The following SUMF1 variants were observed in gnomAD, a reference collection of about 807,000 sequenced individuals.
SUMF1 encodes sulfatase modifying factor 1, also known as formylglycine-generating enzyme.
Under a neutral mutation model 47.6 loss-of-function variants are expected in SUMF1, and 48 were observed. The ratio of observed to expected loss-of-function variants is 1.01; its 90% CI spans 0.80 to 1.28. SUMF1 has a LOEUF of 1.28. Among genes scored for constraint, SUMF1 ranks in the 50% most tolerant of loss-of-function variants. SUMF1 has a pLI of 0.00. For missense variants in SUMF1, 571 were observed against 485.4 expected, an observed-to-expected ratio of 1.18 and a Z score of -1.66; for synonymous variants, 230 against 192.1, an observed-to-expected ratio of 1.20 and a Z score of -1.63.
In SUMF1 at chr3:4,145,762, T is replaced by G. The variant is rs549059743; in HGVS notation, c.1015-77017A>C. On this transcript the variant is annotated intron_variant and NMD_transcript_variant, in intron 8 of 12. Coordinates refer to the SUMF1 transcript ENST00000448413. ...CATGATGAATGGTTTCTAGTTGTTTTGTATTCAAGACAGTTGAGGCAAAGG... is the reference window on the plus strand; with the variant it reads ...CATGATGAATGGTTTCTAGTTGTTTGGTATTCAAGACAGTTGAGGCAAAGG... Among the ~76,000 whole-genome samples, 15 of 152,266 alleles carry G rather than the reference T, an allele frequency of 9.9e-5. 1 individual carries two copies. The South Asian group carries it at 2.9e-3, about 29-fold the overall frequency.
intron 8 of SUMF1, 91 bp downstream of exon 8, chr3:4,376,239 T>G: frequency 6.8e-7 from 1 of 1,468,472 alleles, no homozygotes; most frequent in Non-Finnish European, 9.5e-7. Flanking sequence ...TTTGCAGAAG[T>G]GAATGAGACA....
intron 8 of SUMF1, chr3:4,316,239 C>G: frequency 1.3e-6 from 1 of 743,058 alleles, no homozygotes; most frequent in East Asian, 2.7e-5. Flanking sequence ...AGACAAAAAG[C>G]AAATTCGAGC....
chr3:4,275,976 C>A (rs1177891650), intron 8 of SUMF1, among the ~76,000 whole-genome samples: 1 of 152,100 alleles, frequency 6.6e-6, no homozygotes, highest in East Asian at 1.9e-4. Flanking sequence ...GGCTAATTTC[C>A]CAAATCAGTT....
chr3:4,347,855 G>T (rs890297352), intron 8 of SUMF1, among the ~76,000 whole-genome samples: 2 of 152,114 alleles, frequency 1.3e-5, no homozygotes, highest in African/African-American at 4.8e-5. Context: ...AAAAGTCAAC[G>T]TGCAAAAATC....
At chr3:4,047,679 T>G (rs1295865462) in intron 9 of SUMF1, among the ~76,000 whole-genome samples, 1 of 152,176 alleles carries the variant, frequency 6.6e-6, no homozygotes, top group African/African-American at 2.4e-5. Flanking sequence ...GTTTAGTGAC[T>G]GTCACTATTA....
rs79386081 is a variant in SUMF1, at chr3:4,220,169, G to C, written c.1015-151424C>G. On this transcript the variant is annotated intron_variant and NMD_transcript_variant, in intron 8 of 12. Transcript: ENST00000448413. ...CCCAGGCTCCATTAGACATTAGTAA[G>C]AGGCCAAGTTAATTCTGTGAGCATA... 8.3e-3 allele frequency among the ~76,000 whole-genome samples: 1,260 copies of C among 152,204 alleles called. 18 individuals carry two copies. The highest frequency in any genetic ancestry group is 0.028 in the African/African-American group (1,170 of 41,550).
intron 7 of SUMF1, among the ~76,000 whole-genome samples, chr3:4,395,436 G>A (rs1701009616): frequency 6.6e-6 from 1 of 151,960 alleles, no homozygotes; most frequent in African/African-American, 2.4e-5. Flanking sequence ...TTTATCTCTG[G>A]GGACAAGGAC....
chr3:4,403,828 G>T (rs138268700), intron 7 of SUMF1, among the ~76,000 whole-genome samples: 2 of 152,156 alleles, frequency 1.3e-5, no homozygotes, highest in Admixed American at 6.5e-5. Context: ...ATTCCCACAG[G>T]GGGAGAGGTT....
intron 8 of SUMF1, among the ~76,000 whole-genome samples, chr3:4,312,473 T>TAA: frequency 6.6e-6 from 1 of 152,238 alleles, no homozygotes; most frequent in African/African-American, 2.4e-5. Flanking sequence ...TACCTATATA[T>TAA]AACATACTAT....
chr3:4,240,477 G>T (rs1696511745), intron 8 of SUMF1, among the ~76,000 whole-genome samples: 1 of 150,414 alleles, frequency 6.6e-6, no homozygotes, highest in South Asian at 2.1e-4. Context: ...GAAACCTTTG[G>T]TACTATTTTA....
chr3:4,156,473 CA>C (rs1185542908), intron 8 of SUMF1, among the ~76,000 whole-genome samples: 1 of 151,494 alleles, frequency 6.6e-6, no homozygotes, highest in Non-Finnish European at 1.5e-5. Context: ...AAACAGTATC[CA>C]ATACAGTTCT....
At position 4,287,259 on chromosome 3, in the gene SUMF1, G is replaced by C. The variant is rs550658515; in HGVS notation, c.1014+89071C>G. Among the ~76,000 whole-genome samples the C allele has an allele frequency of 3.4e-4, 52 of 152,178 alleles. 1 individual carries two copies. Among genetic ancestry groups the C allele is most frequent in the Admixed American group, 2.2e-3 (34 of 15,278 alleles). Reference sequence around the variant, plus strand: ...TATAAAGGGAACCTGAGACCAAAAAGTTCAGAACCAGCAACTTAACAAAAT... The same window carrying C: ...TATAAAGGGAACCTGAGACCAAAAACTTCAGAACCAGCAACTTAACAAAAT... On this transcript the variant is annotated intron_variant and NMD_transcript_variant, in intron 8 of 12. Transcript: ENST00000448413.
intron 7 of SUMF1, among the ~76,000 whole-genome samples, chr3:4,407,114 G>A (rs943153375): frequency 7.1e-6 from 1 of 140,242 alleles, no homozygotes; most frequent in African/African-American, 3.0e-5. Context: ...ACACACACAC[G>A]TTAACACCAA....
At chr3:4,154,505 G>A (rs986184413) in intron 8 of SUMF1, among the ~76,000 whole-genome samples, 6 of 151,460 alleles carry the variant, frequency 4.0e-5, no homozygotes, top group African/African-American at 9.8e-5. Context: ...AAACCTACAA[G>A]CTGGGGACTA....
chr3:4,346,774 T>C (rs1314544546), intron 8 of SUMF1, among the ~76,000 whole-genome samples: 1 of 150,008 alleles, frequency 6.7e-6, no homozygotes, highest in African/African-American at 2.5e-5. Context: ...AATAGAAAGA[T>C]AGACCGCTAG....
chr3:4,383,658 C>T (rs369282245), intron 7 of SUMF1, among the ~76,000 whole-genome samples: 3 of 152,098 alleles, frequency 2.0e-5, no homozygotes, highest in African/African-American at 7.2e-5. Context: ...TTATTATAAA[C>T]CTCTTTATAA....
At chr3:4,218,141 G>A (rs531314138) in intron 8 of SUMF1, among the ~76,000 whole-genome samples, 7 of 152,044 alleles carry the variant, frequency 4.6e-5, no homozygotes, top group East Asian at 3.9e-4. Flanking sequence ...AGGGAAGATC[G>A]GGTGAAGACA....
At chr3:4,351,187 C>T (rs1699493402) in intron 8 of SUMF1, among the ~76,000 whole-genome samples, 1 of 151,300 alleles carries the variant, frequency 6.6e-6, no homozygotes. Context: ...TATAAAATTA[C>T]AAATGTGAAT....
At chr3:4,448,779 C>T (rs1702869806) in intron 3 of SUMF1, among the ~76,000 whole-genome samples, 1 of 152,192 alleles carries the variant, frequency 6.6e-6, no homozygotes, top group Non-Finnish European at 1.5e-5. Flanking sequence ...AGAACCAGTT[C>T]ACCACCTCCA....
Sources: allele counts gnomAD v4.1 joint callset (sites outside exome capture counted in the v4.1 genomes callset), GRCh38; gene constraint gnomAD v4.1.1; transcripts MANE v1.5; gene names NCBI Gene and HGNC (gene_info 2026-07-23, HGNC 2026-07-21).